The following RIC8B variants were observed in gnomAD, a reference collection of about 807,000 sequenced individuals.
RIC8B encodes the protein RIC8 guanine nucleotide exchange factor B.
RIC8B carries 16 observed loss-of-function variants against 57.5 expected under a neutral mutation model. The ratio of observed to expected loss-of-function variants is 0.28; its 90% CI spans 0.19 to 0.42. RIC8B has a LOEUF of 0.42. Ranked by LOEUF, RIC8B falls within the 10% of genes least tolerant of loss-of-function variation. RIC8B has a pLI of 1.00. For synonymous variants in RIC8B, 216 were observed against 250.8 expected, an observed-to-expected ratio of 0.86 and a Z score of 1.31; for missense variants, 481 against 677.0, an observed-to-expected ratio of 0.71 and a Z score of 3.21.
At chr12:106,874,173 C>T (rs560737108) in intron 9 of RIC8B, among the ~76,000 whole-genome samples, 14 of 152,262 alleles carry the variant, frequency 9.2e-5, no homozygotes, top group African/African-American at 2.9e-4. Context: ...GAACTCAAGA[C>T]GTTTGCTCTG....
At chr12:106,845,289 A>G (rs558397766) in intron 6 of RIC8B, among the ~76,000 whole-genome samples, 1 of 151,990 alleles carries the variant, frequency 6.6e-6, no homozygotes, top group Admixed American at 6.6e-5. Flanking sequence ...ACCAGCCCCA[A>G]CCGGTTCCTT....
At chr12:106,837,145 C>T (rs1037841511) in intron 4 of RIC8B, among the ~76,000 whole-genome samples, 55 of 152,302 alleles carry the variant, frequency 3.6e-4, no homozygotes, top group African/African-American at 7.2e-4. Flanking sequence ...AGGCGGATCA[C>T]GAGGTCAGGA....
At chr12:106,822,792 A>G (rs1267605954) in intron 3 of RIC8B, 2 of 152,338 alleles carry the variant, frequency 1.3e-5, no homozygotes, top group Non-Finnish European at 2.9e-5. Context: ...CTCTCAAACA[A>G]TGACAAAGAA....
chr12:106,804,411 C>T (rs1262039373), intron 2 of RIC8B, among the ~76,000 whole-genome samples: 2 of 152,090 alleles, frequency 1.3e-5, no homozygotes, highest in African/African-American at 2.4e-5. Context: ...CATGGGGTTT[C>T]ACCATGTTGG....
At chr12:106,811,276 A>T in intron 2 of RIC8B, among the ~76,000 whole-genome samples, 1 of 152,146 alleles carries the variant, frequency 6.6e-6, no homozygotes, top group East Asian at 1.9e-4. Context: ...TTCTCAGTTA[A>T]CCCTTGACCC....
intron 4 of RIC8B, among the ~76,000 whole-genome samples, chr12:106,835,376 T>G (rs1022751887): frequency 3.9e-5 from 6 of 152,192 alleles, no homozygotes; most frequent in African/African-American, 1.2e-4. Context: ...CCATAATCTC[T>G]CATTCCTCCA....
chr12:106,868,841 G>A (rs1420024738), intron 8 of RIC8B, among the ~76,000 whole-genome samples: 2 of 137,162 alleles, frequency 1.5e-5, no homozygotes, highest in Non-Finnish European at 3.1e-5. Context: ...CTAAGGTGAG[G>A]CCCAAGCTTT....
chr12:106,826,997 C>T (rs1241911166), intron 4 of RIC8B, among the ~76,000 whole-genome samples: 1 of 152,120 alleles, frequency 6.6e-6, no homozygotes, highest in Admixed American at 6.6e-5. Context: ...TCTCTTGAAC[C>T]TCAGGAGGTG....
At chr12:106,807,204 T>C (rs1434906633) in intron 2 of RIC8B, among the ~76,000 whole-genome samples, 1 of 152,268 alleles carries the variant, frequency 6.6e-6, no homozygotes, top group African/African-American at 2.4e-5. Flanking sequence ...AGATTCTGTA[T>C]GGTACATCAA....
rs1192098257 is a variant in RIC8B, at chr12:106,774,689, C to G, written c.-57C>G. On this transcript the variant is annotated 5_prime_UTR_variant, in exon 1 of 10. Coordinates refer to ENST00000392837, the MANE Select transcript of RIC8B (RefSeq NM_001330145.2). ...AGCGAGCGGGGGCGCGAGGCGTTTA[C>G]CTGGAGGCAGCGGCTTGGGCGCGCA... 4 of 1,433,556 alleles carry G rather than the reference C, an allele frequency of 2.8e-6. No homozygotes were observed. The highest frequency in any genetic ancestry group is 2.9e-6 in the Non-Finnish European group (3 of 1,043,992). 88.8% of individuals were successfully genotyped at this position (1,433,556 alleles called of 1,614,324 possible).
intron 3 of RIC8B, among the ~76,000 whole-genome samples, chr12:106,819,736 G>GAAA (rs555149043): frequency 2.4e-5 from 2 of 84,920 alleles, no homozygotes; most frequent in Non-Finnish European, 4.8e-5. Context: ...AGCGTCTCAG[G>GAAA]AAAAAAAAAA....
intron 2 of RIC8B, among the ~76,000 whole-genome samples, chr12:106,805,506 C>A (rs902852012): frequency 1.3e-5 from 2 of 152,092 alleles, no homozygotes; most frequent in South Asian, 4.2e-4. Context: ...CAAACAACAA[C>A]AACAAAAAAA....
At position 106,812,211 on chromosome 12, in the gene RIC8B, T is replaced by G. The variant is rs1046620850; in HGVS notation, c.133-2485T>G. 3.3e-5 allele frequency among the ~76,000 whole-genome samples: 5 copies of G among 152,136 alleles called. No individual in the cohort carries two copies. The South Asian group carries it at 1.0e-3, about 31-fold the overall frequency. ...TTCAAGAACAACTATGATTAAAAACTGTGCAAAAAAATCTTGTCTTTGCTT... is the reference window on the plus strand; with the variant it reads ...TTCAAGAACAACTATGATTAAAAACGGTGCAAAAAAATCTTGTCTTTGCTT... On this transcript the variant is annotated intron_variant, in intron 2 of 9. Coordinates refer to ENST00000392837, the MANE Select transcript of RIC8B (RefSeq NM_001330145.2).
rs2045788536 is a variant in RIC8B at position 106,820,454 on chromosome 12, A to C, written c.741+5150A>C. 2.6e-5 allele frequency among the ~76,000 whole-genome samples: 4 copies of C among 152,200 alleles called. No individual in the cohort carries two copies. In the South Asian group the frequency reaches 8.3e-4, roughly 31 times the overall value. On this transcript the variant is annotated intron_variant, in intron 3 of 9. Coordinates refer to ENST00000392837, the MANE Select transcript of RIC8B (RefSeq NM_001330145.2). ...GCAGGATATAAAGTCAGTTTTAGAAAAGTTAATTGAAATGGTCTTGTCTTC... is the reference window on the plus strand; with the variant it reads ...GCAGGATATAAAGTCAGTTTTAGAACAGTTAATTGAAATGGTCTTGTCTTC...
intron 2 of RIC8B, among the ~76,000 whole-genome samples, chr12:106,809,344 C>T (rs1323993305): frequency 7.2e-5 from 11 of 151,732 alleles, no homozygotes; most frequent in Admixed American, 2.0e-4. Context: ...GCCAACATGG[C>T]GAAACCCCAT....
chr12:106,811,481 A>G (rs1396228435), intron 2 of RIC8B, among the ~76,000 whole-genome samples: 1 of 152,240 alleles, frequency 6.6e-6, no homozygotes, highest in Non-Finnish European at 1.5e-5. Flanking sequence ...TTAGGTGATT[A>G]TGATGCATGA....
At chr12:106,783,972 A>G (rs755064017) in intron 1 of RIC8B, 25 bp from the exon 2 acceptor site, 11 of 1,608,280 alleles carry the variant, frequency 6.8e-6, no homozygotes, top group Non-Finnish European at 1.7e-6. Context: ...TTAAAATGAC[A>G]TTGTTTCCCT....
At chr12:106,859,176 A>G (rs949848683) in intron 7 of RIC8B, among the ~76,000 whole-genome samples, 3 of 152,182 alleles carry the variant, frequency 2.0e-5, no homozygotes, top group Admixed American at 6.5e-5. Context: ...TAAAGACCTT[A>G]AGTAAATTTT....
chr12:106,783,497 TCAG>T (rs1335949206), intron 1 of RIC8B, among the ~76,000 whole-genome samples: 10 of 152,358 alleles, frequency 6.6e-5, no homozygotes, highest in African/African-American at 2.4e-4. Context: ...AAGTATAAAC[TCAG>T]CAGCATCGGA....
Sources: allele counts gnomAD v4.1 joint callset (sites outside exome capture counted in the v4.1 genomes callset), GRCh38; gene constraint gnomAD v4.1.1; transcripts MANE v1.5; gene names NCBI Gene and HGNC (gene_info 2026-07-23, HGNC 2026-07-21).